Variants in CRTC3 observed in about 807,000 individuals in gnomAD.
The protein encoded by CRTC3 is CREB-regulated transcription coactivator 3.
Under a neutral mutation model 74.5 loss-of-function variants are expected in CRTC3, and 26 were observed. The ratio of observed to expected loss-of-function variants is 0.35; its 90% CI spans 0.26 to 0.48. The LOEUF (loss-of-function observed/expected upper bound fraction) is 0.48. Ranked by LOEUF, CRTC3 falls within the 20% of genes least tolerant of loss-of-function variation. The probability of loss-of-function intolerance (pLI) is 0.99; values close to 1 mark genes in which losing one functional copy is unlikely to be tolerated. For missense variants in CRTC3, 760 were observed against 787.3 expected, an observed-to-expected ratio of 0.97 and a Z score of 0.41; for synonymous variants, 377 against 325.8, an observed-to-expected ratio of 1.16 and a Z score of -1.69.
At chr15:90,612,064 A>ACCTCCTCCT (rs1449446103) in intron 6 of CRTC3, among the ~76,000 whole-genome samples, 1 of 20,428 alleles carries the variant, frequency 4.9e-5, no homozygotes, top group Non-Finnish European at 1.0e-4. Context: ...CTCCGCCTCC[A>ACCTCCTCCT]CCTCCTCCTC....
At chr15:90,601,271 C>A (rs1178038258) in intron 3 of CRTC3, among the ~76,000 whole-genome samples, 1 of 152,170 alleles carries the variant, frequency 6.6e-6, no homozygotes, top group Non-Finnish European at 1.5e-5. Flanking sequence ...CAGTGAACAA[C>A]ACAAGACTGA....
intron 1 of CRTC3, among the ~76,000 whole-genome samples, chr15:90,534,885 C>T (rs1453483027): frequency 1.1e-4 from 16 of 152,136 alleles, no homozygotes; most frequent in Admixed American, 6.5e-5. Context: ...TGAGGCCAGG[C>T]GCGGTGGCTC....
rs1313198230 is a variant in CRTC3 at position 90,636,931 on chromosome 15, T to C, written c.1267-1515T>C. Among the ~76,000 whole-genome samples the C allele has an allele frequency of 6.6e-5, 10 of 152,122 alleles. No homozygotes were observed. In the East Asian group the frequency reaches 1.2e-3, roughly 18 times the overall value. ...AGGTGCTGGAGAGGATGTGGAGAAA[T>C]AGGAACACTTTTACACTGTTGGTGG... On this transcript the variant is annotated intron_variant, in intron 11 of 14. Transcript: ENST00000268184.
At chr15:90,604,246 C>T (rs1226874434) in intron 4 of CRTC3, 139 bp from the exon 5 acceptor site, 19 of 653,772 alleles carry the variant, frequency 2.9e-5, no homozygotes, top group Non-Finnish European at 5.4e-5. Flanking sequence ...GCAAAATGAG[C>T]GAGGTGTGGG....
At chr15:90,545,576 G>T (rs1309276478) in intron 2 of CRTC3, among the ~76,000 whole-genome samples, 26 of 132,246 alleles carry the variant, frequency 2.0e-4, no homozygotes, top group South Asian at 5.0e-4. Flanking sequence ...ATTTTTGTTT[G>T]TTTTTTTTTT....
chr15:90,643,044 C>T lies in CRTC3; in HGVS notation c.*904C>T, dbSNP rs536701803. 21 of 232,456 alleles carry T rather than the reference C, an allele frequency of 9.0e-5. No homozygotes were observed. The East Asian group carries it at 1.3e-3, about 14-fold the overall frequency. 14.4% of individuals were successfully genotyped at this position (232,456 alleles called of 1,614,324 possible). Reference sequence around the variant, plus strand: ...ACCGAGCAACTGAGCTTCCCCATCCCTCCCCAGAGCTGTGTCTCTGTGGGC... The same window carrying T: ...ACCGAGCAACTGAGCTTCCCCATCCTTCCCCAGAGCTGTGTCTCTGTGGGC... On this transcript the variant is annotated 3_prime_UTR_variant, in exon 15 of 15. Transcript: ENST00000268184.
chr15:90,627,974 T>C (rs368648600), intron 10 of CRTC3, among the ~76,000 whole-genome samples: 1 of 146,688 alleles, frequency 6.8e-6, no homozygotes, highest in African/African-American at 2.5e-5. Flanking sequence ...TCCCGGCACT[T>C]TGGGAGGCCG....
chr15:90,587,622 T>A (rs1488577294), intron 2 of CRTC3, among the ~76,000 whole-genome samples: 3 of 152,124 alleles, frequency 2.0e-5, no homozygotes, highest in Non-Finnish European at 2.9e-5. Context: ...TTTCTGTATT[T>A]ATTTACTAGA....
intron 2 of CRTC3, among the ~76,000 whole-genome samples, chr15:90,570,149 T>C (rs1967228263): frequency 6.6e-6 from 1 of 152,226 alleles, no homozygotes; most frequent in Non-Finnish European, 1.5e-5. Context: ...CTTGTTTGTC[T>C]TTAGTGTCTT....
intron 2 of CRTC3, among the ~76,000 whole-genome samples, chr15:90,583,993 G>C (rs1567173718): frequency 2.0e-5 from 3 of 152,034 alleles, no homozygotes; most frequent in Non-Finnish European, 2.9e-5. Flanking sequence ...TTGTGGACAG[G>C]CCTTCACGAC....
chr15:90,548,312 G>C (rs557964780), intron 2 of CRTC3, among the ~76,000 whole-genome samples: 25 of 152,142 alleles, frequency 1.6e-4, no homozygotes, highest in Non-Finnish European at 3.4e-4. Flanking sequence ...GTAACTGAGG[G>C]CTTTTAAGTT....
intron 8 of CRTC3, among the ~76,000 whole-genome samples, chr15:90,618,957 G>C (rs1401310717): frequency 6.6e-6 from 1 of 152,142 alleles, no homozygotes; most frequent in Non-Finnish European, 1.5e-5. Flanking sequence ...CCTCCTCCCT[G>C]AGTACCAGGG....
chr15:90,560,154 T>C (rs1459945395), intron 2 of CRTC3, among the ~76,000 whole-genome samples: 1 of 152,222 alleles, frequency 6.6e-6, no homozygotes, highest in African/African-American at 2.4e-5. Context: ...TAGTTAGCGC[T>C]CCAGGTTTGG....
chr15:90,536,641 A>G (rs1046736762), intron 1 of CRTC3, among the ~76,000 whole-genome samples: 1 of 152,222 alleles, frequency 6.6e-6, no homozygotes, highest in African/African-American at 2.4e-5. Context: ...AAAGGAATTA[A>G]TGAGGCCTGG....
chr15:90,628,433 G>A (rs961559875), intron 10 of CRTC3, among the ~76,000 whole-genome samples: 1 of 152,136 alleles, frequency 6.6e-6, no homozygotes, highest in Admixed American at 6.5e-5. Flanking sequence ...AGCAGCAGCC[G>A]AATAATTGAT....
At chr15:90,535,958 A>G (rs1178047527) in intron 1 of CRTC3, among the ~76,000 whole-genome samples, 2 of 152,204 alleles carry the variant, frequency 1.3e-5, no homozygotes, top group Non-Finnish European at 2.9e-5. Context: ...ATGTCTGTAT[A>G]CTTAGCTACT....
chr15:90,593,252 G>A (rs574642401), intron 2 of CRTC3, among the ~76,000 whole-genome samples: 1 of 152,238 alleles, frequency 6.6e-6, no homozygotes, highest in East Asian at 1.9e-4. Flanking sequence ...AAAAGACACT[G>A]TGCAGAACAA....
chr15:90,611,029 AG>A (rs1567183679), intron 6 of CRTC3, among the ~76,000 whole-genome samples: 1 of 152,172 alleles, frequency 6.6e-6, no homozygotes, highest in Non-Finnish European at 1.5e-5. Flanking sequence ...GTTAAGGAGA[AG>A]GTTTACAATG....
chr15:90,634,117 A>ATTT (rs11417692), intron 11 of CRTC3, among the ~76,000 whole-genome samples: 1 of 148,506 alleles, frequency 6.7e-6, no homozygotes, highest in Non-Finnish European at 1.5e-5. Context: ...TCAACAATTA[A>ATTT]TTTTTTTTTT....
Sources: allele counts gnomAD v4.1 joint callset (sites outside exome capture counted in the v4.1 genomes callset), GRCh38; gene constraint gnomAD v4.1.1; transcripts MANE v1.5; gene names NCBI Gene and HGNC (gene_info 2026-07-23, HGNC 2026-07-21).